PSKH1: variants seen among roughly 807,000 people sequenced by gnomAD.
PSKH1 encodes protein serine kinase H1.
A neutral mutation model predicts 26.7 loss-of-function variants in PSKH1; 12 were observed. That is an observed-to-expected ratio of 0.45 (90% CI 0.29 to 0.73). The LOEUF (loss-of-function observed/expected upper bound fraction) is 0.73, where lower values mean the gene tolerates loss of function less well. Ranked by LOEUF, PSKH1 falls within the 30% of genes least tolerant of loss-of-function variation. The probability of loss-of-function intolerance (pLI) is 0.11; values close to 1 mark genes in which losing one functional copy is unlikely to be tolerated. For synonymous variants in PSKH1, 213 were observed against 234.3 expected (o/e 0.91, Z 0.83); for missense variants, 431 against 595.2 (o/e 0.72, Z 2.87).
chr16:67,912,879 A>G (rs991684705), intron 2 of PSKH1, among the ~76,000 whole-genome samples: 12 of 151,940 alleles, frequency 7.9e-5, no homozygotes, highest in Admixed American at 6.6e-4. Flanking sequence ...AAAAAAAGAA[A>G]CAAAAAAAAA....
chr16:67,919,735 G>A (rs2058196869), intron 2 of PSKH1, among the ~76,000 whole-genome samples: 1 of 152,180 alleles, frequency 6.6e-6, no homozygotes. Context: ...CCCTTGGTTG[G>A]AGACCTCTGG....
intron 2 of PSKH1, among the ~76,000 whole-genome samples, chr16:67,916,862 A>G (rs1195226075): frequency 6.6e-6 from 1 of 152,086 alleles, no homozygotes; most frequent in East Asian, 1.9e-4. Context: ...AGAGGATTCC[A>G]GGCTACCCTC....
intron 2 of PSKH1, among the ~76,000 whole-genome samples, chr16:67,919,520 C>G (rs2058196377): frequency 6.6e-6 from 1 of 152,224 alleles, no homozygotes; most frequent in Admixed American, 6.5e-5. Flanking sequence ...CAGATGCCCC[C>G]ATACCTGGCC....
At chr16:67,907,017 G>T (rs1016523826) in intron 1 of PSKH1, among the ~76,000 whole-genome samples, 1 of 151,818 alleles carries the variant, frequency 6.6e-6, no homozygotes, top group Non-Finnish European at 1.5e-5. Flanking sequence ...AGGCTGGAGT[G>T]CAGTGGCAGG....
rs955905891 is a variant in PSKH1, at chr16:67,904,671, A to G, written c.-70-4009A>G. Among the ~76,000 whole-genome samples, 123 of 151,982 alleles carry G rather than the reference A, an allele frequency of 8.1e-4. 4 individuals are homozygous for G. The highest frequency in any genetic ancestry group is 2.9e-3 in the African/African-American group (120 of 41,418). ...GCTAATTTTTTAATCTTGTAGGGAC[A>G]GGGTCTCACTGTGTTGTCCAGGCTA... On this transcript the variant is annotated intron_variant, in intron 1 of 2. Transcript: ENST00000291041.
chr16:67,923,443 C>T (rs1280775990), intron 2 of PSKH1, among the ~76,000 whole-genome samples: 1 of 152,248 alleles, frequency 6.6e-6, no homozygotes, highest in South Asian at 2.1e-4. Flanking sequence ...AGCAGTGTCT[C>T]GAAGTGCTGG....
At chr16:67,915,271 C>T (rs568482150) in intron 2 of PSKH1, among the ~76,000 whole-genome samples, 3 of 152,010 alleles carry the variant, frequency 2.0e-5, no homozygotes, top group African/African-American at 4.8e-5. Flanking sequence ...CCTTTGCTCC[C>T]ACTACCCTTT....
Position 67,927,596 on chromosome 16 carries a change from A to G in PSKH1, c.1229A>G (p.Glu410Gly). ...AAGTCACGCCGTGTGCGGGAACGGG[A>G]GCTGCGGGAGCTCAACCTGCGCTAC... ...SNKSRRVRER[E>G]LRELNLRYQQ... The change falls in exon 3 of 3, where the codon GAG (glutamate) becomes GGG (glycine). Residue 410 changes from glutamate (E) to glycine (G), a missense_variant. Transcript: ENST00000291041. The surrounding 1 kb of genome is among the most constrained non-coding windows in gnomAD (Gnocchi z 5.5). 1 of 1,611,710 alleles carries G rather than the reference A, an allele frequency of 6.2e-7. No homozygotes were observed. Among genetic ancestry groups the G allele is most frequent in the Non-Finnish European group, 8.5e-7 (1 of 1,179,840 alleles).
intron 1 of PSKH1, among the ~76,000 whole-genome samples, chr16:67,901,140 C>T (rs989191097): frequency 6.6e-6 from 1 of 151,376 alleles, no homozygotes; most frequent in Admixed American, 6.6e-5. Context: ...TTTTTTTTTC[C>T]CCTCTCTTGG....
chr16:67,900,727 T>C (rs891824071), intron 1 of PSKH1, among the ~76,000 whole-genome samples: 2 of 152,190 alleles, frequency 1.3e-5, no homozygotes, highest in African/African-American at 4.8e-5. Flanking sequence ...CTCTGTCCAA[T>C]GTGCGTGCCT....
At chr16:67,916,611 G>A (rs1305817187) in intron 2 of PSKH1, among the ~76,000 whole-genome samples, 1 of 152,126 alleles carries the variant, frequency 6.6e-6, no homozygotes, top group Non-Finnish European at 1.5e-5. Context: ...GAGCCCTCTG[G>A]GTTCTGGGTA....
intron 1 of PSKH1, among the ~76,000 whole-genome samples, chr16:67,906,969 CTT>C (rs986926896): frequency 5.5e-5 from 8 of 144,600 alleles, no homozygotes; most frequent in Admixed American, 1.4e-4. Context: ...CCCTCTGACT[CTT>C]TTTTTTTTTT....
chr16:67,895,971 T>C (rs926619129), intron 1 of PSKH1, among the ~76,000 whole-genome samples: 6 of 152,200 alleles, frequency 3.9e-5, no homozygotes, highest in Non-Finnish European at 1.5e-5. Context: ...GCCTACTACA[T>C]GTGCTTGTAG....
intron 2 of PSKH1, among the ~76,000 whole-genome samples, chr16:67,922,224 G>A (rs145643195): frequency 3.9e-5 from 6 of 152,224 alleles, no homozygotes; most frequent in Non-Finnish European, 7.4e-5. Context: ...GCTCTTCGTC[G>A]TGGGCAGCAT....
Position 67,909,245 on chromosome 16 carries a change from G to A in PSKH1, c.496G>A (p.Glu166Lys). ...GCTGGTGGAGGTGTTCGAGACACAG[G>A]AGCGGGTGTACATGGTGATGGAGCT... ...IQLVEVFETQ[E>K]RVYMVMELAT... is the part of the protein sequence containing the mutation. Residue 166 changes from glutamate to lysine, a missense_variant, in exon 2 of 3, where the codon GAG becomes AAG. Glu to Lys is a moderately conservative substitution (Grantham distance 56). Transcript: ENST00000291041. This position sits in a 1 kb window ranked among gnomAD's most constrained non-coding sequence, Gnocchi z 7.8. The A allele has an allele frequency of 5.0e-6, 8 of 1,614,070 alleles. No individual in the cohort carries two copies. The highest frequency in any genetic ancestry group is 5.1e-6 in the Non-Finnish European group (6 of 1,180,010).
chr16:67,907,491 C>G (rs952982673), intron 1 of PSKH1, among the ~76,000 whole-genome samples: 2 of 151,780 alleles, frequency 1.3e-5, no homozygotes, highest in African/African-American at 4.8e-5. Flanking sequence ...AAACTCCTGA[C>G]CTCAGGTGAT....
intron 2 of PSKH1, among the ~76,000 whole-genome samples, chr16:67,925,484 G>A (rs747878902): frequency 3.9e-5 from 6 of 152,062 alleles, no homozygotes; most frequent in Admixed American, 6.6e-5. Context: ...GAGCCACCAC[G>A]CCTGGCCCTC....
chr16:67,923,894 C>G (rs187191661), intron 2 of PSKH1, among the ~76,000 whole-genome samples: 49 of 152,346 alleles, frequency 3.2e-4, no homozygotes, highest in Admixed American at 5.9e-4. Context: ...CCAGGGGAAG[C>G]AGGTGGGTTG....
rs534933635 is a variant in PSKH1, at chr16:67,910,480, A to G, written c.957+774A>G. Among the ~76,000 whole-genome samples the G allele has an allele frequency of 3.3e-5, 5 of 152,284 alleles. No homozygotes were observed. The East Asian group carries it at 5.8e-4, about 18-fold the overall frequency. On this transcript the variant is annotated intron_variant, in intron 2 of 2. Transcript: ENST00000291041. ...GATCTGATTTTTTTTTAGAAGAGAA[A>G]CCAGAAAATCTGATCTTTTATTTTT...
Sources: gnomAD v4.1 joint callset for allele counts (sites outside exome capture counted in the v4.1 genomes callset) on GRCh38, gnomAD v4.1.1 for gene constraint, Gnocchi (gnomAD v3.1) non-coding constraint, MANE v1.5 for transcripts, NCBI Gene and HGNC (gene_info 2026-07-23, HGNC 2026-07-21) for gene names.